The following NOL4 variants were observed in gnomAD, a reference collection of about 807,000 sequenced individuals.
The protein encoded by NOL4 is cancer/testis antigen 125.
Under a neutral mutation model 75.9 loss-of-function variants are expected in NOL4, and 17 were observed. The ratio of observed to expected loss-of-function variants is 0.22; its 90% CI spans 0.15 to 0.34. The LOEUF (loss-of-function observed/expected upper bound fraction) is 0.34. Among genes scored for constraint, NOL4 ranks in the 10% least tolerant of loss-of-function variants. The pLI, the probability that NOL4 is intolerant of heterozygous loss-of-function variation, is 1.00. For missense variants in NOL4, 614 were observed against 793.5 expected (o/e 0.77, Z 2.72); for synonymous variants, 292 against 289.9 (o/e 1.01, Z -0.07).
rs2077012623 is a variant in NOL4, at chr18:34,060,151, T to C, written c.772+33314A>G. 2.0e-5 allele frequency among the ~76,000 whole-genome samples: 3 copies of C among 152,198 alleles called. No homozygotes were observed. The South Asian group carries it at 6.2e-4, about 32-fold the overall frequency. On this transcript the variant is annotated intron_variant, in intron 5 of 10. Transcript: ENST00000261592. ...ATTTTTAATTAGCAATAAGTAATTA[T>C]AATATCCTGTCCCCCAGTCTCTGAA...
At chr18:33,983,375 C>T (rs557910531) in intron 6 of NOL4, among the ~76,000 whole-genome samples, 1 of 151,042 alleles carries the variant, frequency 6.6e-6, no homozygotes, top group Non-Finnish European at 1.5e-5. Context: ...CTGATTATAA[C>T]AAATGTACCA....
chr18:34,051,921 A>G (rs545055938), intron 5 of NOL4, among the ~76,000 whole-genome samples: 1 of 152,134 alleles, frequency 6.6e-6, no homozygotes, highest in East Asian at 1.9e-4. Context: ...AAAAAGATAC[A>G]TTTAATGCAA....
chr18:34,187,085 T>C (rs2034518500), intron 1 of NOL4, among the ~76,000 whole-genome samples: 1 of 152,164 alleles, frequency 6.6e-6, no homozygotes, highest in Non-Finnish European at 1.5e-5. Flanking sequence ...ACTCTTGGTG[T>C]TCTCAATTTT....
intron 1 of NOL4, among the ~76,000 whole-genome samples, chr18:34,160,420 T>C (rs1418966277): frequency 2.0e-5 from 3 of 152,148 alleles, no homozygotes; most frequent in Admixed American, 6.5e-5. Flanking sequence ...GTAATAAATG[T>C]GTTTCTGATT....
intron 1 of NOL4, among the ~76,000 whole-genome samples, chr18:34,176,763 C>A (rs967980843): frequency 1.2e-4 from 18 of 152,084 alleles, no homozygotes; most frequent in Non-Finnish European, 2.5e-4. Context: ...AATACCGTCA[C>A]CTTGATCTTA....
At chr18:33,899,248 A>AT (rs1230568050) in intron 9 of NOL4, among the ~76,000 whole-genome samples, 2 of 152,092 alleles carry the variant, frequency 1.3e-5, no homozygotes, top group African/African-American at 4.8e-5. Flanking sequence ...GTCTGCAGTC[A>AT]TTGGTCACCT....
intron 10 of NOL4, among the ~76,000 whole-genome samples, chr18:33,875,984 G>T (rs534021175): frequency 4.9e-4 from 75 of 152,062 alleles, no homozygotes; most frequent in African/African-American, 1.8e-3. Flanking sequence ...GTAGAATAAC[G>T]GAGTATTTAA....
intron 10 of NOL4, among the ~76,000 whole-genome samples, chr18:33,860,520 A>T (rs975046221): frequency 1.3e-5 from 2 of 152,196 alleles, no homozygotes; most frequent in African/African-American, 4.8e-5. Flanking sequence ...TTATCAGCTT[A>T]AGGAGATTTT....
chr18:34,015,369 T>C (rs2074624595), intron 6 of NOL4, among the ~76,000 whole-genome samples: 1 of 152,086 alleles, frequency 6.6e-6, no homozygotes, highest in African/African-American at 2.4e-5. Flanking sequence ...CTCTGAGCAC[T>C]AACTCTCCTA....
chr18:33,973,196 TTA>T (rs2071218852), intron 6 of NOL4, among the ~76,000 whole-genome samples: 1 of 152,248 alleles, frequency 6.6e-6, no homozygotes, highest in South Asian at 2.1e-4. Context: ...CACAGGATCT[TTA>T]CCAGGAGTAG....
At chr18:34,114,612 T>A (rs2079761655) in intron 2 of NOL4, among the ~76,000 whole-genome samples, 1 of 152,206 alleles carries the variant, frequency 6.6e-6, no homozygotes, top group African/African-American at 2.4e-5. Context: ...GCTTATATAA[T>A]GTTATACTTT....
At chr18:34,002,709 T>C (rs1452491818) in intron 6 of NOL4, among the ~76,000 whole-genome samples, 1 of 152,098 alleles carries the variant, frequency 6.6e-6, no homozygotes, top group Non-Finnish European at 1.5e-5. Context: ...TGCATCAAAA[T>C]GTACTATTAA....
At chr18:34,208,527 A>C (rs1282857673) in intron 1 of NOL4, among the ~76,000 whole-genome samples, 1 of 152,206 alleles carries the variant, frequency 6.6e-6, no homozygotes, top group Non-Finnish European at 1.5e-5. Flanking sequence ...TGTAATATAC[A>C]AACAGACACA....
chr18:34,135,816 A>T (rs909089029), intron 1 of NOL4, among the ~76,000 whole-genome samples: 1 of 152,104 alleles, frequency 6.6e-6, no homozygotes, highest in Non-Finnish European at 1.5e-5. Flanking sequence ...AATAGGTGAC[A>T]AAACACTTCC....
At chr18:34,136,589 A>G (rs1487296918) in intron 1 of NOL4, among the ~76,000 whole-genome samples, 6 of 152,126 alleles carry the variant, frequency 3.9e-5, no homozygotes, top group Non-Finnish European at 7.4e-5. Context: ...TAAGGGTTTC[A>G]AAACACTAAA....
chr18:34,050,353 T>C (rs1029142348), intron 5 of NOL4, among the ~76,000 whole-genome samples: 2 of 152,096 alleles, frequency 1.3e-5, no homozygotes, highest in African/African-American at 4.8e-5. Context: ...CAACATATGG[T>C]TTACTTTCAA....
intron 10 of NOL4, among the ~76,000 whole-genome samples, chr18:33,877,827 T>A (rs2064018495): frequency 1.7e-5 from 1 of 57,368 alleles, no homozygotes. Context: ...GTTGTGTGAT[T>A]GTGTGTGTGT....
intron 9 of NOL4, among the ~76,000 whole-genome samples, chr18:33,929,623 G>A (rs908469887): frequency 1.3e-5 from 2 of 152,130 alleles, no homozygotes; most frequent in Non-Finnish European, 2.9e-5. Context: ...AAAGTGCTAA[G>A]TACATACAAG....
chr18:34,164,684 G>A (rs1462264786), intron 1 of NOL4, among the ~76,000 whole-genome samples: 7 of 151,994 alleles, frequency 4.6e-5, no homozygotes, highest in African/African-American at 7.3e-5. Flanking sequence ...TCAGTGTGGC[G>A]ATTCCTCAGG....
Sources: allele counts gnomAD v4.1 joint callset (sites outside exome capture counted in the v4.1 genomes callset), GRCh38; gene constraint gnomAD v4.1.1; transcripts MANE v1.5; gene names NCBI Gene and HGNC (gene_info 2026-07-23, HGNC 2026-07-21).